The following CUBN variants were observed in gnomAD, a reference collection of about 807,000 sequenced individuals.
The protein encoded by CUBN is cubilin.
CUBN carries 282 observed loss-of-function variants against 405.3 expected under a neutral mutation model. The ratio of observed to expected loss-of-function variants is 0.70; its 90% CI spans 0.63 to 0.77. The LOEUF (loss-of-function observed/expected upper bound fraction) is 0.77, where lower values mean the gene tolerates loss of function less well. CUBN is among the 30% of genes least tolerant of loss of function. CUBN has a pLI of 0.00. For synonymous variants in CUBN, 1,684 were observed against 1,617.0 expected, an observed-to-expected ratio of 1.04 and a Z score of -0.99; for missense variants, 4,514 against 4,475.2, an observed-to-expected ratio of 1.01 and a Z score of -0.25.
At chr10:16,865,243 T>C (rs1031482382) in intron 59 of CUBN, among the ~76,000 whole-genome samples, 2 of 152,134 alleles carry the variant, frequency 1.3e-5, no homozygotes, top group African/African-American at 4.8e-5. Context: ...GTGCCAGTAT[T>C]ACAGGCGTGA....
Position 16,933,198 on chromosome 10 carries a change from C to T in CUBN, c.6013G>A (p.Asp2005Asn), listed in dbSNP as rs943617833. ...GWPDSYSNRV[D>N]CTWLIQAPDS... ...GGAGCCTGGATGAGCCACGTACAGT[C>T]CACTCTATTACTGTAACTGTCAGGC... is the stretch of plus-strand genomic sequence containing the variant. The change falls in exon 40 of 67, where the codon GAC becomes AAC. Residue 2005 changes from aspartate (D) to asparagine (N), a missense_variant. Transcript: ENST00000377833. 1.2e-6 allele frequency: 2 copies of T among 1,613,908 alleles called. No individual in the cohort carries two copies. The highest frequency in any genetic ancestry group is 2.2e-5 in the East Asian group (1 of 44,888).
intron 28 of CUBN, among the ~76,000 whole-genome samples, chr10:16,992,974 T>C (rs556801995): frequency 1.3e-5 from 2 of 152,366 alleles, no homozygotes; most frequent in African/African-American, 4.8e-5. Flanking sequence ...CCGTATCTCC[T>C]GTACCAATGC....
At chr10:17,051,533 G>T (rs562516714) in intron 22 of CUBN, among the ~76,000 whole-genome samples, 170 of 152,136 alleles carry the variant, frequency 1.1e-3, no homozygotes, top group Non-Finnish European at 1.9e-3. Context: ...TTAAAAATAT[G>T]TGCAAAGACT....
At chr10:17,066,548 A>G (rs576631807) in intron 21 of CUBN, among the ~76,000 whole-genome samples, 61 of 152,248 alleles carry the variant, frequency 4.0e-4, no homozygotes, top group Non-Finnish European at 8.4e-4. Context: ...AAAATTTAAT[A>G]TCTTCATCAA....
chr10:17,016,736 G>C (rs1834338551), intron 28 of CUBN, among the ~76,000 whole-genome samples: 1 of 152,138 alleles, frequency 6.6e-6, no homozygotes, highest in African/African-American at 2.4e-5. Context: ...TTCCTTCTGG[G>C]TGGGGGAGAT....
chr10:17,046,942 T>C (rs1835149211), intron 23 of CUBN, among the ~76,000 whole-genome samples: 1 of 152,196 alleles, frequency 6.6e-6, no homozygotes, highest in South Asian at 2.1e-4. Flanking sequence ...GAAAGAATAA[T>C]GCCTTGTACT....
intron 66 of CUBN, among the ~76,000 whole-genome samples, chr10:16,827,311 AAC>A (rs1838812307): frequency 6.6e-6 from 1 of 152,208 alleles, no homozygotes; most frequent in Non-Finnish European, 1.5e-5. Context: ...AAGTAGAAAA[AAC>A]ACACCATCAA....
At chr10:17,008,099 T>A (rs143742014) in intron 28 of CUBN, among the ~76,000 whole-genome samples, 21 of 152,096 alleles carry the variant, frequency 1.4e-4, no homozygotes, top group African/African-American at 4.8e-4. Flanking sequence ...TGCAGTGAGC[T>A]GAGATTGCGC....
intron 27 of CUBN, among the ~76,000 whole-genome samples, chr10:17,038,518 G>A (rs1359462582): frequency 6.6e-6 from 1 of 152,154 alleles, no homozygotes; most frequent in African/African-American, 2.4e-5. Context: ...CATCAAGGCG[G>A]GATAGTGTCT....
At chr10:16,970,260 T>C (rs61841472) in intron 31 of CUBN, among the ~76,000 whole-genome samples, 30,215 of 152,180 alleles carry the variant, frequency 0.2, 3,140 homozygotes, top group African/African-American at 0.21. Context: ...AGGCTGGGCT[T>C]ATCAGATATA....
At chr10:17,052,442 T>C (rs191678278) in intron 22 of CUBN, among the ~76,000 whole-genome samples, 50 of 150,492 alleles carry the variant, frequency 3.3e-4, no homozygotes, top group Non-Finnish European at 6.1e-4. Flanking sequence ...GCAAAAATAA[T>C]AGTAAGGTGA....
chr10:17,085,884 A>G, intron 15 of CUBN, 125 bp from the exon 16 acceptor site: 1 of 875,556 alleles, frequency 1.1e-6, no homozygotes, highest in Non-Finnish European at 1.8e-6. Context: ...TTTCCCCATC[A>G]CATCCAAATG....
At position 17,100,128 on chromosome 10, in the gene CUBN, A is replaced by G; in HGVS notation, c.1642T>C (p.Phe548Leu). 2 of 1,613,942 alleles carry G rather than the reference A, an allele frequency of 1.2e-6. No homozygotes were observed. The highest frequency in any genetic ancestry group is 3.3e-5 in the Admixed American group (2 of 60,010). ...DSSSAFQLGRFCGSSLPHELL... is the reference protein window; with the variant it reads ...DSSSAFQLGRLCGSSLPHELL... The stretch of plus-strand genomic sequence containing the variant: ...TCATGAGGGAGGCTGGAGCCACAAA[A>G]TCTTCCAAGTTGAAAAGCAGAAGAG... Residue 548 changes from phenylalanine to leucine, a missense_variant, in exon 14 of 67, where the codon TTT becomes CTT. Around this residue, in one of 5 missense-constraint regions of CUBN, gnomAD observed 1,448 missense variants for 1,388.0 expected, o/e 1.04. Transcript: ENST00000377833.
intron 41 of CUBN, 148 bp from the exon 42 acceptor site, chr10:16,925,922 C>A: frequency 5.4e-6 from 4 of 743,566 alleles, no homozygotes; most frequent in Non-Finnish European, 9.4e-6. Flanking sequence ...ATTATCATAA[C>A]AAGCATGTAT....
chr10:16,840,918 C>T lies in CUBN; in HGVS notation c.9793G>A (p.Glu3265Lys), dbSNP rs181069086. 2 of 1,612,938 alleles carry T rather than the reference C, an allele frequency of 1.2e-6. No homozygotes were observed. Among genetic ancestry groups the T allele is most frequent in the Admixed American group, 3.3e-5 (2 of 60,008 alleles). Residue 3265 changes from glutamate (E) to lysine (K), a missense_variant, in exon 61 of 67, where the codon GAA becomes AAA. By Grantham distance (56) the Glu-to-Lys change is moderately conservative. Coordinates refer to ENST00000377833, the MANE Select transcript of CUBN (RefSeq NM_001081.4). ...ATGGTGTATGTAGCATTAAATCCTT[C>T]CCTCTCTAATGTTAAGTCACTGATG... The part of the protein sequence containing the change: ...QFISDLTLER[E>K]GFNATYTIMD...
chr10:17,066,489 G>A (rs1294919373), intron 21 of CUBN, among the ~76,000 whole-genome samples: 1 of 151,994 alleles, frequency 6.6e-6, no homozygotes, highest in Admixed American at 6.6e-5. Flanking sequence ...AATTGCTAAA[G>A]GAGAAAAAGA....
chr10:17,087,480 T>G (rs889190547), intron 15 of CUBN, among the ~76,000 whole-genome samples: 2 of 124,314 alleles, frequency 1.6e-5, no homozygotes, highest in South Asian at 6.0e-4. Context: ...TTCTTTTTTT[T>G]TTTTTTTTTT....
intron 22 of CUBN, among the ~76,000 whole-genome samples, chr10:17,058,955 A>G (rs1424381199): frequency 1.3e-5 from 2 of 152,100 alleles, no homozygotes; most frequent in Non-Finnish European, 1.5e-5. Flanking sequence ...ATATCAGTTT[A>G]GCCTTTTATT....
intron 28 of CUBN, among the ~76,000 whole-genome samples, chr10:17,002,068 C>T (rs1407693790): frequency 1.3e-5 from 2 of 152,154 alleles, no homozygotes; most frequent in African/African-American, 2.4e-5. Context: ...CAAAACAAGT[C>T]CTTGGATATG....
Sources: allele counts gnomAD v4.1 joint callset (sites outside exome capture counted in the v4.1 genomes callset), GRCh38; gene constraint gnomAD v4.1.1; regional missense constraint gnomAD v4.1.1; transcripts MANE v1.5; gene names NCBI Gene and HGNC (gene_info 2026-07-23, HGNC 2026-07-21).